Variants in AKR1B15 observed in about 807,000 individuals in gnomAD.
AKR1B15 encodes the protein aldo-keto reductase family 1 member B15, also known as estradiol 17-beta-dehydrogenase AKR1B15.
A neutral mutation model predicts 38.5 loss-of-function variants in AKR1B15; 49 were observed. The ratio of observed to expected loss-of-function variants is 1.27; its 90% confidence interval spans 1.01 to 1.62. The LOEUF (loss-of-function observed/expected upper bound fraction) is 1.62, where lower values mean the gene tolerates loss of function less well. Ranked by LOEUF, AKR1B15 falls within the 40% of genes most tolerant of loss-of-function variation. The probability of loss-of-function intolerance (pLI) is 0.00; values close to 1 mark genes in which losing one functional copy is unlikely to be tolerated. For missense variants in AKR1B15, 411 were observed against 381.6 expected (o/e 1.08, Z -0.64); for synonymous variants, 137 against 135.5 (o/e 1.01, Z -0.08).
At chr7:134,579,438 A>G in intron 11 of AKR1B15, 69 bp from the exon 12 acceptor site, 2 of 1,347,556 alleles carry the variant, frequency 1.5e-6, no homozygotes, top group African/African-American at 1.5e-5. Context: ...CCAGAGAAGA[A>G]TACCTTCTCA....
At chr7:134,557,491 G>T (rs1032924084) in intron 2 of AKR1B15, among the ~76,000 whole-genome samples, 1 of 151,964 alleles carries the variant, frequency 6.6e-6, no homozygotes, top group African/African-American at 2.4e-5. Context: ...GGACATAACT[G>T]GTGCAAGCTG....
rs539774304 is a variant in AKR1B15, at chr7:134,574,619, T to C, written c.514-801T>C. Among the ~76,000 whole-genome samples the C allele has an allele frequency of 8.2e-4, 125 of 152,332 alleles. 1 individual carries two copies. Among genetic ancestry groups the C allele is most frequent in the Admixed American group, 1.6e-3 (25 of 15,300 alleles). ...TTGTATACTTTTACATCTTGACAAC[T>C]TCTGGGCAGGATCTAGAACATGTAA... is the stretch of plus-strand genomic sequence containing the variant. On this transcript the variant is annotated intron_variant, in intron 6 of 11. Transcript: ENST00000457545.
At chr7:134,557,426 T>A (rs1794237016) in intron 2 of AKR1B15, among the ~76,000 whole-genome samples, 1 of 152,118 alleles carries the variant, frequency 6.6e-6, no homozygotes, top group Non-Finnish European at 1.5e-5. Flanking sequence ...CTGAGAGAGC[T>A]GGACAGACTC....
intron 3 of AKR1B15, chr7:134,565,098 C>T (rs1794503015): frequency 3.3e-6 from 1 of 302,722 alleles, no homozygotes; most frequent in Non-Finnish European, 6.2e-6. Flanking sequence ...CTGGCCACCC[C>T]AGTCAGCAGC....
chr7:134,550,574 G>A (rs1365791759), intron 1 of AKR1B15, among the ~76,000 whole-genome samples: 4 of 152,106 alleles, frequency 2.6e-5, no homozygotes, highest in African/African-American at 9.7e-5. Flanking sequence ...AAGAAATATT[G>A]GCTATAGTTG....
chr7:134,573,663 C>T, intron 6 of AKR1B15: 2 of 464,528 alleles, frequency 4.3e-6, no homozygotes, highest in Non-Finnish European at 5.7e-6. Context: ...CTAACCTGAC[C>T]TATGATGCAC....
At chr7:134,561,069 C>CT (rs1317648246) in intron 2 of AKR1B15, among the ~76,000 whole-genome samples, 7 of 152,162 alleles carry the variant, frequency 4.6e-5, no homozygotes, top group African/African-American at 1.4e-4. Flanking sequence ...GGACCTCTCT[C>CT]TGTTATTTAG....
At chr7:134,555,736 G>T (rs1015524315) in intron 1 of AKR1B15, among the ~76,000 whole-genome samples, 2 of 152,116 alleles carry the variant, frequency 1.3e-5, no homozygotes, top group Admixed American at 1.3e-4. Context: ...AGCAGGGAAC[G>T]CTGACCTTGC....
chr7:134,560,440 C>T (rs1249002321), intron 2 of AKR1B15, among the ~76,000 whole-genome samples: 3 of 152,114 alleles, frequency 2.0e-5, no homozygotes, highest in African/African-American at 4.8e-5. Flanking sequence ...CTGATTCCTG[C>T]CCAAATTGCC....
At chr7:134,576,036 T>A in intron 8 of AKR1B15, 109 bp downstream of exon 8, 1 of 1,495,384 alleles carries the variant, frequency 6.7e-7, no homozygotes, top group Non-Finnish European at 8.9e-7. Context: ...AAAATGTGTG[T>A]AAGGTAACAC....
At position 134,550,906 on chromosome 7, in the gene AKR1B15, G is replaced by A. The variant is rs116421673; in HGVS notation, c.-147+1657G>A. On this transcript the variant is annotated intron_variant, in intron 1 of 11. Coordinates refer to ENST00000457545, the MANE Select transcript of AKR1B15 (RefSeq NM_001080538.3). Reference sequence around the variant, plus strand: ...GTCACTACACTTCACAGCTGTTCAGGCTGTGTGGTGGGTCGTTGTTGGAAC... The same window carrying A: ...GTCACTACACTTCACAGCTGTTCAGACTGTGTGGTGGGTCGTTGTTGGAAC... 5.9e-3 allele frequency among the ~76,000 whole-genome samples: 895 copies of A among 152,260 alleles called. 8 individuals carry two copies. Among genetic ancestry groups the A allele is most frequent in the African/African-American group, 0.021 (856 of 41,558 alleles).
chr7:134,568,765 G>A (rs1794600567), intron 4 of AKR1B15, among the ~76,000 whole-genome samples: 1 of 151,952 alleles, frequency 6.6e-6, no homozygotes, highest in South Asian at 2.1e-4. Flanking sequence ...TCTTTATTCA[G>A]TCTAGTAAAA....
chr7:134,574,213 A>G (rs1389524647), intron 6 of AKR1B15, among the ~76,000 whole-genome samples: 2 of 152,166 alleles, frequency 1.3e-5, no homozygotes, highest in Non-Finnish European at 2.9e-5. Context: ...AAAGCTCACT[A>G]GTGATTCCAA....
intron 1 of AKR1B15, among the ~76,000 whole-genome samples, chr7:134,550,716 C>G (rs765934681): frequency 1.6e-4 from 25 of 152,288 alleles, no homozygotes; most frequent in Non-Finnish European, 2.9e-4. Flanking sequence ...GAATAGTAAA[C>G]TCTTCTTCCC....
At chr7:134,550,254 C>T (rs1480152218) in intron 1 of AKR1B15, among the ~76,000 whole-genome samples, 1 of 152,200 alleles carries the variant, frequency 6.6e-6, no homozygotes, top group African/African-American at 2.4e-5. Flanking sequence ...TTTGGCTACT[C>T]TCCAACCTTT....
Position 134,564,854 on chromosome 7 carries a change from C to T in AKR1B15, c.150+85C>T, listed in dbSNP as rs768541971. ...ATGGGGGATTGAGAGGTGAAGCCAG[C>T]TGGACTTCCTGGGTCAAGTGGGGAC... is the stretch of plus-strand genomic sequence containing the variant. On this transcript the variant is annotated intron_variant, in intron 3 of 11. Coordinates refer to ENST00000457545, the MANE Select transcript of AKR1B15 (RefSeq NM_001080538.3). The T allele has an allele frequency of 4.9e-4, 256 of 526,688 alleles. 2 individuals carry two copies. In the Middle Eastern group the frequency reaches 5.8e-3, roughly 12 times the overall value. 32.6% of individuals were successfully genotyped at this position (526,688 alleles called of 1,614,324 possible).
At chr7:134,550,322 A>AT (rs1793922780) in intron 1 of AKR1B15, among the ~76,000 whole-genome samples, 1 of 151,448 alleles carries the variant, frequency 6.6e-6, no homozygotes, top group South Asian at 2.1e-4. Flanking sequence ...TGCACATCTC[A>AT]TTTTCCTGTG....
intron 1 of AKR1B15, among the ~76,000 whole-genome samples, chr7:134,556,010 C>G (rs541089489): frequency 6.6e-6 from 1 of 152,296 alleles, no homozygotes; most frequent in African/African-American, 2.4e-5. Context: ...AATCCTCTTA[C>G]TATAACTCTC....
intron 2 of AKR1B15, among the ~76,000 whole-genome samples, chr7:134,562,408 C>T (rs181449930): frequency 6.6e-6 from 1 of 150,896 alleles, no homozygotes; most frequent in Non-Finnish European, 1.5e-5. Flanking sequence ...TTGATTGGTC[C>T]ATTTTACAGA....
Sources: allele counts gnomAD v4.1 joint callset (sites outside exome capture counted in the v4.1 genomes callset), GRCh38; gene constraint gnomAD v4.1.1; transcripts MANE v1.5; gene names NCBI Gene and HGNC (gene_info 2026-07-23, HGNC 2026-07-21).